RBCK1: variants seen among roughly 807,000 people sequenced by gnomAD.
The protein encoded by RBCK1 is ranBP-type and C3HC4-type zinc finger-containing protein 1.
A neutral mutation model predicts 71.1 loss-of-function variants in RBCK1; 44 were observed. The observed-to-expected ratio is 0.62, with a 90% CI of 0.49 to 0.80. RBCK1 has a LOEUF of 0.80. RBCK1 is among the 30% of genes least tolerant of loss of function. RBCK1 has a pLI of 0.00. For synonymous variants in RBCK1, 306 were observed against 279.7 expected, an observed-to-expected ratio of 1.09 and a Z score of -0.94; for missense variants, 569 against 685.0, an observed-to-expected ratio of 0.83 and a Z score of 1.89.
Position 428,801 on chromosome 20 carries a change from G to A in RBCK1, c.1309-150G>A. 7.0e-7 allele frequency: 1 copy of A among 1,434,050 alleles called. No homozygotes were observed. The highest frequency in any genetic ancestry group is 9.1e-7 in the Non-Finnish European group (1 of 1,097,432). 88.8% of individuals were successfully genotyped at this position (1,434,050 alleles called of 1,614,324 possible). A position where few individuals can be genotyped will look rare whatever the true frequency, so the allele number is the denominator to read the frequency against. Reference sequence around the variant, plus strand: ...GGGTGGAGACCACAGGAATGAAGAGGGGGTTGCTGGATGGAGCCTGGCCTG... The same window carrying A: ...GGGTGGAGACCACAGGAATGAAGAGAGGGTTGCTGGATGGAGCCTGGCCTG... On this transcript the variant is annotated intron_variant, in intron 10 of 11. Coordinates refer to ENST00000356286, the MANE Select transcript of RBCK1 (RefSeq NM_031229.4). The surrounding 1 kb of genome is among the most constrained non-coding windows in gnomAD (Gnocchi z 5.7).
chr20:429,172 C>T, intron 11 of RBCK1, 78 bp downstream of exon 11: 1 of 1,517,986 alleles, frequency 6.6e-7, no homozygotes, highest in Non-Finnish European at 8.8e-7. Flanking sequence ...AAAACTACAG[C>T]CCATGGGCCA....
Position 417,812 on chromosome 20 carries a change from G to C in RBCK1, c.342G>C (p.Leu114=), listed in dbSNP as rs780195821. 1 of 1,614,076 alleles carries C rather than the reference G, an allele frequency of 6.2e-7. No homozygotes were observed. Among genetic ancestry groups the C allele is most frequent in the Admixed American group, 1.7e-5 (1 of 60,030 alleles). The change falls in exon 4 of 12, where the codon CTG becomes CTC. Residue 114 remains leucine (L), a synonymous_variant. Transcript: ENST00000356286. This position sits in a 1 kb window ranked among gnomAD's most constrained non-coding sequence, Gnocchi z 4.7. Reference sequence around the variant, plus strand: ...GGCTGGCACGAGACCAGGAGACCCTGCACTCCCATGGGGTGCGGCAGAATG... The same window carrying C: ...GGCTGGCACGAGACCAGGAGACCCTCCACTCCCATGGGGTGCGGCAGAATG... The part of the protein sequence containing the change: ...GQRLARDQET[L]HSHGVRQNGD...
chr20:417,373 G>A lies in RBCK1; in HGVS notation c.168-153G>A, dbSNP rs745578097. ...TTCTAATAAAGGAAGAAGCATGGGT[G>A]GGGCCTACCCCAGACTGGGGTTTGT... On this transcript the variant is annotated intron_variant, in intron 2 of 11. Transcript: ENST00000356286. This position sits in a 1 kb window ranked among gnomAD's most constrained non-coding sequence, Gnocchi z 4.7. 6.5e-6 allele frequency: 5 copies of A among 774,930 alleles called. No individual in the cohort carries two copies. The South Asian group carries it at 7.0e-5, about 11-fold the overall frequency. The allele number at this position is 774,930 out of a possible 1,614,324, so 48.0% of individuals were successfully genotyped here. A position where few individuals can be genotyped will look rare whatever the true frequency, so the allele number is the denominator to read the frequency against.
rs113928542 is a variant in RBCK1 at position 417,702 on chromosome 20, T to C, written c.262-30T>C. 3.1e-6 allele frequency: 5 copies of C among 1,605,636 alleles called. No homozygotes were observed. In the African/African-American group the frequency reaches 4.0e-5, roughly 13 times the overall value. The stretch of plus-strand genomic sequence containing the variant: ...TCCTCTCTCTCCTCTGGCCCTCCCT[T>C]CCCACTCTCCCTCTCTTTGCCCCCA... On this transcript the variant is annotated intron_variant, in intron 3 of 11. Coordinates refer to ENST00000356286, the MANE Select transcript of RBCK1 (RefSeq NM_031229.4). This position sits in a 1 kb window ranked among gnomAD's most constrained non-coding sequence, Gnocchi z 4.7.
chr20:411,629 T>A (rs550895061), intron 2 of RBCK1, among the ~76,000 whole-genome samples: 3 of 151,700 alleles, frequency 2.0e-5, no homozygotes, highest in Non-Finnish European at 4.4e-5. Context: ...TGCCTCCCAA[T>A]GTGCTGGGAC....
At chr20:426,843 T>TC (rs1390422815) in intron 8 of RBCK1, among the ~76,000 whole-genome samples, 5 of 138,388 alleles carry the variant, frequency 3.6e-5, no homozygotes, top group African/African-American at 1.2e-4. Context: ...TTTTTTTTTT[T>TC]TAGCTAGGAT....
chr20:421,404 G>A (rs1427284109), intron 7 of RBCK1, among the ~76,000 whole-genome samples: 1 of 152,212 alleles, frequency 6.6e-6, no homozygotes, highest in East Asian at 1.9e-4. Context: ...GGGGAACACA[G>A]ACCCGCTCAC....
chr20:418,664 A>T (rs182893185), intron 4 of RBCK1, among the ~76,000 whole-genome samples: 2 of 152,230 alleles, frequency 1.3e-5, no homozygotes, highest in African/African-American at 2.4e-5. Context: ...CACCACGCCC[A>T]ACCCACATTT....
At position 427,436 on chromosome 20, in the gene RBCK1, G is replaced by T. The variant is rs762445622; in HGVS notation, c.1153G>T (p.Asp385Tyr). 1.1e-5 allele frequency: 17 copies of T among 1,614,164 alleles called. No individual in the cohort carries two copies. The highest frequency in any genetic ancestry group is 1.7e-5 in the Admixed American group (1 of 60,026). ...CAAGGGATGGTGCTTCTTTGAGGAT[G>T]ATGTCAATGAGTTCACCTGCCCTGT... ...DCKGWCFFED[D>Y]VNEFTCPVCF... is the part of the protein sequence containing the mutation. The change falls in exon 9 of 12, where the codon GAT becomes TAT. Residue 385 changes from aspartate to tyrosine, a missense_variant. This residue lies in a region of RBCK1 where 211 missense variants were observed against 309.4 expected (regional missense o/e 0.68). Coordinates refer to ENST00000356286, the MANE Select transcript of RBCK1 (RefSeq NM_031229.4).
chr20:413,410 C>A (rs565329577), intron 2 of RBCK1, among the ~76,000 whole-genome samples: 2 of 152,230 alleles, frequency 1.3e-5, no homozygotes, highest in African/African-American at 4.8e-5. Context: ...ATATCTACTT[C>A]TTGAAATGAT....
chr20:410,321 G>A (rs1231868071), intron 2 of RBCK1: 4 of 706,646 alleles, frequency 5.7e-6, no homozygotes, highest in Admixed American at 2.1e-5. Flanking sequence ...AAACAAATTT[G>A]ATGGCAGGGA....
At chr20:420,530 C>T (rs1228910279) in intron 6 of RBCK1, 36 of 984,116 alleles carry the variant, frequency 3.7e-5, no homozygotes, top group African/African-American at 5.3e-5. Context: ...GACCCCGGCC[C>T]CCTTCCTTAC....
chr20:421,439 C>G (rs1310306791), intron 7 of RBCK1, among the ~76,000 whole-genome samples: 1 of 151,868 alleles, frequency 6.6e-6, no homozygotes, highest in Non-Finnish European at 1.5e-5. Context: ...GTGGAGCCGC[C>G]CCTGGGTGAC....
intron 2 of RBCK1, among the ~76,000 whole-genome samples, chr20:414,998 A>G (rs2015906980): frequency 6.6e-6 from 1 of 152,220 alleles, no homozygotes; most frequent in African/African-American, 2.4e-5. Context: ...TTACCTGAAG[A>G]ATTTTGAGAG....
rs2016099469 is a variant in RBCK1, at chr20:417,975, G to A, written c.460+45G>A. 6.4e-7 allele frequency: 1 copy of A among 1,565,750 alleles called. No individual in the cohort carries two copies. Among genetic ancestry groups the A allele is most frequent in the East Asian group, 2.3e-5 (1 of 43,946 alleles). ...ACCGCCGGACCCAGCGGGGGCCCTG[G>A]ACTCACTTGAGGGCATAGGGCAAGC... On this transcript the variant is annotated intron_variant, in intron 4 of 11. Coordinates refer to ENST00000356286, the MANE Select transcript of RBCK1 (RefSeq NM_031229.4). This position sits in a 1 kb window ranked among gnomAD's most constrained non-coding sequence, Gnocchi z 4.7.
Position 419,603 on chromosome 20 carries a change from C to T in RBCK1, c.628C>T (p.Arg210Trp), listed in dbSNP as rs763248858. 2 of 1,599,722 alleles carry T rather than the reference C, an allele frequency of 1.3e-6. No individual in the cohort carries two copies. Among genetic ancestry groups the T allele is most frequent in the South Asian group, 2.2e-5 (2 of 89,224 alleles). Residue 210 changes from arginine (R) to tryptophan (W), a missense_variant, in exon 6 of 12, where the codon CGG becomes TGG. By Grantham distance (101) the Arg-to-Trp change is moderately radical. Transcript: ENST00000356286. ...PGCTFINKPT[R>W]PGCEMCCRAR... ...GTGCACCTTCATCAACAAGCCCACG[C>T]GGCCTGGCTGTGAGATGTGCTGCCG... is the stretch of plus-strand genomic sequence containing the variant.
chr20:416,334 G>T (rs8116493), intron 2 of RBCK1, among the ~76,000 whole-genome samples: 28,806 of 149,880 alleles, frequency 0.19, 3,693 homozygotes, highest in Non-Finnish European at 0.3. Flanking sequence ...TTTTTTTTTT[G>T]TATTTTTAGT....
chr20:430,432 C>G lies in RBCK1; in HGVS notation c.*2C>G. The G allele has an allele frequency of 6.2e-7, 1 of 1,608,472 alleles. No homozygotes were observed. The highest frequency in any genetic ancestry group is 8.5e-7 in the Non-Finnish European group (1 of 1,174,866). ...CCAAGCTGTCAGAACTGCCACTGAG[C>G]TAAAGATGGTGGGGCCACATGCTGA... On this transcript the variant is annotated 3_prime_UTR_variant, in exon 12 of 12. Coordinates refer to ENST00000356286, the MANE Select transcript of RBCK1 (RefSeq NM_031229.4). The surrounding 1 kb of genome is among the most constrained non-coding windows in gnomAD (Gnocchi z 5.6).
chr20:429,215 C>T, intron 11 of RBCK1, 121 bp downstream of exon 11: 1 of 1,347,912 alleles, frequency 7.4e-7, no homozygotes, highest in Non-Finnish European at 9.7e-7. Flanking sequence ...TGTACAGCTC[C>T]CGAGGTAAGA....
Sources: allele counts gnomAD v4.1 joint callset (sites outside exome capture counted in the v4.1 genomes callset), GRCh38; gene constraint gnomAD v4.1.1; regional missense constraint gnomAD v4.1.1; non-coding constraint Gnocchi (gnomAD v3.1); transcripts MANE v1.5; gene names NCBI Gene and HGNC (gene_info 2026-07-23, HGNC 2026-07-21).